Variants in RAB3C observed in about 807,000 individuals in gnomAD.
RAB3C encodes the protein ras-related protein Rab-3C.
RAB3C carries 17 observed loss-of-function variants against 26.4 expected under a neutral mutation model. The ratio of observed to expected loss-of-function variants is 0.64; its 90% CI spans 0.44 to 0.97. RAB3C has a LOEUF of 0.97. Among genes scored for constraint, RAB3C ranks in the 50% least tolerant of loss-of-function variants. The pLI is 0.00. For synonymous variants in RAB3C, 91 were observed against 95.9 expected (o/e 0.95, Z 0.30); for missense variants, 242 against 281.9 (o/e 0.86, Z 1.01).
chr5:58,845,850 T>C (rs1281969376), intron 4 of RAB3C, among the ~76,000 whole-genome samples: 1 of 151,780 alleles, frequency 6.6e-6, no homozygotes, highest in African/African-American at 2.4e-5. Flanking sequence ...CCATCAGCAT[T>C]CACTCTGCCT....
chr5:58,582,336 C>G, upstream of RAB3C: 1 of 938,134 alleles, frequency 1.1e-6, no homozygotes, highest in Non-Finnish European at 1.3e-6. Context: ...CCGCTTCCTA[C>G]GTAGAGCCCT....
At chr5:58,716,064 A>C (rs1345111073) in intron 2 of RAB3C, among the ~76,000 whole-genome samples, 3 of 149,784 alleles carry the variant, frequency 2.0e-5, no homozygotes, top group Non-Finnish European at 4.4e-5. Context: ...ATAATAAATA[A>C]ATAAATACAT....
chr5:58,762,338 T>C (rs1741813015), intron 3 of RAB3C, among the ~76,000 whole-genome samples: 1 of 152,170 alleles, frequency 6.6e-6, no homozygotes, highest in Admixed American at 6.5e-5. Context: ...CAGTGGGATA[T>C]TTAAAGACGT....
intron 2 of RAB3C, among the ~76,000 whole-genome samples, chr5:58,681,272 G>A (rs1748337005): frequency 6.6e-6 from 1 of 152,168 alleles, no homozygotes; most frequent in South Asian, 2.1e-4. Context: ...TGCAAAACAT[G>A]ATAAATCAAG....
intron 1 of RAB3C, among the ~76,000 whole-genome samples, chr5:58,597,002 A>G (rs1247752308): frequency 2.4e-5 from 2 of 85,094 alleles, no homozygotes; most frequent in Non-Finnish European, 4.0e-5. Context: ...TGCATAATAT[A>G]ATATATAAAT....
chr5:58,765,312 C>A (rs746798835), intron 3 of RAB3C, among the ~76,000 whole-genome samples: 3 of 152,056 alleles, frequency 2.0e-5, no homozygotes, highest in Non-Finnish European at 4.4e-5. Flanking sequence ...CCTCCCTCAG[C>A]TTACATTTTC....
intron 3 of RAB3C, among the ~76,000 whole-genome samples, chr5:58,763,176 A>G (rs1741832614): frequency 6.6e-6 from 1 of 152,220 alleles, no homozygotes; most frequent in Non-Finnish European, 1.5e-5. Flanking sequence ...CTAGAATCCT[A>G]TAATCCAAAA....
intron 2 of RAB3C, among the ~76,000 whole-genome samples, chr5:58,701,686 G>A (rs1748845291): frequency 6.6e-6 from 1 of 152,164 alleles, no homozygotes; most frequent in Non-Finnish European, 1.5e-5. Flanking sequence ...GGCATTCAGA[G>A]GCCACCTGCA....
chr5:58,717,106 G>C (rs1040007569), intron 2 of RAB3C, among the ~76,000 whole-genome samples: 1 of 152,036 alleles, frequency 6.6e-6, no homozygotes, highest in Admixed American at 6.6e-5. Flanking sequence ...TCAGTTTTGC[G>C]TGAACCTAAA....
At chr5:58,611,165 A>G (rs1477425811) in intron 1 of RAB3C, among the ~76,000 whole-genome samples, 1 of 152,130 alleles carries the variant, frequency 6.6e-6, no homozygotes, top group African/African-American at 2.4e-5. Flanking sequence ...TATCTTTGCT[A>G]TTGTGAATAG....
chr5:58,757,608 G>T (rs967382319), intron 3 of RAB3C, among the ~76,000 whole-genome samples: 3 of 152,166 alleles, frequency 2.0e-5, no homozygotes, highest in Non-Finnish European at 2.9e-5. Context: ...ACGTCCATCT[G>T]TCCTTCATTG....
chr5:58,586,572 A>G (rs1284386978), intron 1 of RAB3C, among the ~76,000 whole-genome samples: 1 of 152,112 alleles, frequency 6.6e-6, no homozygotes, highest in Admixed American at 6.6e-5. Context: ...AGGGTCACGT[A>G]CTCTCTTACA....
chr5:58,800,022 A>C (rs1213427053), intron 3 of RAB3C, among the ~76,000 whole-genome samples: 1 of 152,264 alleles, frequency 6.6e-6, no homozygotes, highest in Non-Finnish European at 1.5e-5. Flanking sequence ...GAAGTGATTA[A>C]TCATATAACC....
intron 2 of RAB3C, among the ~76,000 whole-genome samples, chr5:58,685,563 G>C (rs1748428868): frequency 6.6e-6 from 1 of 152,114 alleles, no homozygotes. Flanking sequence ...TAGGTTCCAG[G>C]AAATAGGATG....
At chr5:58,781,990 T>A (rs1411205851) in intron 3 of RAB3C, among the ~76,000 whole-genome samples, 2 of 152,206 alleles carry the variant, frequency 1.3e-5, no homozygotes, top group Non-Finnish European at 2.9e-5. Flanking sequence ...TTTTTAAAAA[T>A]TTTTGTAATA....
intron 3 of RAB3C, among the ~76,000 whole-genome samples, chr5:58,785,810 A>G (rs967928604): frequency 2.6e-5 from 4 of 152,268 alleles, no homozygotes; most frequent in South Asian, 2.1e-4. Flanking sequence ...ACCCTGGATT[A>G]TTCAGGTAAA....
chr5:58,604,315 G>A (rs1301573367), intron 1 of RAB3C, among the ~76,000 whole-genome samples: 1 of 152,228 alleles, frequency 6.6e-6, no homozygotes, highest in Non-Finnish European at 1.5e-5. Context: ...TTTGCAGAAA[G>A]CATCAGCTGT....
chr5:58,822,781 C>T (rs1743372762), intron 3 of RAB3C: 2 of 562,994 alleles, frequency 3.6e-6, no homozygotes, highest in East Asian at 4.1e-5. Flanking sequence ...TGAAGGTTGG[C>T]CTGACAAATT....
chr5:58,690,654 C>T (rs923772450), intron 2 of RAB3C, among the ~76,000 whole-genome samples: 10 of 152,074 alleles, frequency 6.6e-5, no homozygotes, highest in African/African-American at 2.2e-4. Context: ...CAGCTTCTTA[C>T]GCAGCAGCTT....
Sources: gnomAD v4.1 joint callset for allele counts (sites outside exome capture counted in the v4.1 genomes callset) on GRCh38, gnomAD v4.1.1 for gene constraint, MANE v1.5 for transcripts, NCBI Gene and HGNC (gene_info 2026-07-23, HGNC 2026-07-21) for gene names.